The following TNR variants were observed in gnomAD, a reference collection of about 807,000 sequenced individuals.
TNR encodes tenascin-R.
TNR carries 45 observed loss-of-function variants against 150.4 expected under a neutral mutation model. The observed-to-expected ratio is 0.30, with a 90% CI of 0.24 to 0.38. The LOEUF is 0.38. Among genes scored for constraint, TNR ranks in the 10% least tolerant of loss-of-function variants. TNR has a pLI of 1.00. For synonymous variants in TNR, 687 were observed against 678.4 expected (o/e 1.01, Z -0.20); for missense variants, 1,544 against 1,759.1 (o/e 0.88, Z 2.19).
intron 18 of TNR, among the ~76,000 whole-genome samples, chr1:175,339,190 T>C (rs1650394039): frequency 6.6e-6 from 1 of 152,214 alleles, no homozygotes; most frequent in Non-Finnish European, 1.5e-5. Context: ...TTCAGATGGC[T>C]TAAGTGCTGT....
At chr1:175,342,278 G>C (rs1253551317) in intron 18 of TNR, among the ~76,000 whole-genome samples, 1 of 152,186 alleles carries the variant, frequency 6.6e-6, no homozygotes, top group African/African-American at 2.4e-5. Context: ...TGAGAAGTGG[G>C]GGCCCGGGAT....
chr1:175,525,936 G>A (rs1659830316), intron 2 of TNR, among the ~76,000 whole-genome samples: 2 of 151,986 alleles, frequency 1.3e-5, no homozygotes, highest in Non-Finnish European at 2.9e-5. Flanking sequence ...ATAGCAAGCA[G>A]ATAACTCGGT....
intron 1 of TNR, among the ~76,000 whole-genome samples, chr1:175,587,167 T>G (rs1662607611): frequency 6.6e-6 from 1 of 152,226 alleles, no homozygotes; most frequent in Non-Finnish European, 1.5e-5. Context: ...CATGTCCCAG[T>G]GCAGCTTGGC....
chr1:175,418,748 A>G (rs969249476), intron 2 of TNR, among the ~76,000 whole-genome samples: 1 of 151,502 alleles, frequency 6.6e-6, no homozygotes, highest in East Asian at 1.9e-4. Flanking sequence ...CAGTTGAAGC[A>G]GAGTAGAGAA....
At position 175,341,793 on chromosome 1, in the gene TNR, C is replaced by T. The variant is rs149808738; in HGVS notation, c.3383-4114G>A. ...TCTGTAAGCGCAGAACACAGTGTTG[C>T]GCCATAGAAGTGCAGGCGGCCACCT... On this transcript the variant is annotated intron_variant, in intron 18 of 22. Coordinates refer to ENST00000367674, the MANE Select transcript of TNR (RefSeq NM_003285.3). 8.0e-3 allele frequency among the ~76,000 whole-genome samples: 1,218 copies of T among 152,354 alleles called. 6 individuals are homozygous for T. The highest frequency in any genetic ancestry group is 0.013 in the Non-Finnish European group (895 of 68,034).
intron 1 of TNR, among the ~76,000 whole-genome samples, chr1:175,604,868 A>G (rs1385954748): frequency 6.6e-6 from 1 of 152,166 alleles, no homozygotes; most frequent in African/African-American, 2.4e-5. Flanking sequence ...TCATACCTGT[A>G]AGTGCCTAGG....
rs184685913 is a variant in TNR at position 175,338,748 on chromosome 1, C to G, written c.3383-1069G>C. ...CCCGCTGGTGGGTCAGAGTAAGTGA[C>G]AGCACCTACCCAAGGATGGCAACAT... On this transcript the variant is annotated intron_variant, in intron 18 of 22. Transcript: ENST00000367674. Among the ~76,000 whole-genome samples, 10 of 152,280 alleles carry G rather than the reference C, an allele frequency of 6.6e-5. No homozygotes were observed. The East Asian group carries it at 1.7e-3, about 26-fold the overall frequency.
chr1:175,421,262 A>G (rs1036062733), intron 2 of TNR, among the ~76,000 whole-genome samples: 3 of 152,206 alleles, frequency 2.0e-5, no homozygotes, highest in Non-Finnish European at 2.9e-5. Context: ...ACCAGGCCCC[A>G]TGAGGCTCTC....
chr1:175,484,845 C>T (rs1308891981), intron 2 of TNR, among the ~76,000 whole-genome samples: 1 of 152,168 alleles, frequency 6.6e-6, no homozygotes, highest in African/African-American at 2.4e-5. Flanking sequence ...CTGAGAATAA[C>T]CTGTCCTTCG....
chr1:175,710,070 C>T (rs564758329), intron 1 of TNR, among the ~76,000 whole-genome samples: 10 of 152,022 alleles, frequency 6.6e-5, no homozygotes, highest in African/African-American at 2.2e-4. Context: ...TTGCATTATT[C>T]GAGGGTCACT....
At chr1:175,460,302 AG>A (rs1656757437) in intron 2 of TNR, among the ~76,000 whole-genome samples, 1 of 152,136 alleles carries the variant, frequency 6.6e-6, no homozygotes, top group South Asian at 2.1e-4. Flanking sequence ...ACCTTCTGCT[AG>A]CTTCTTTAAC....
chr1:175,442,695 G>A (rs1302783610), intron 2 of TNR, among the ~76,000 whole-genome samples: 2 of 151,742 alleles, frequency 1.3e-5, no homozygotes, highest in African/African-American at 4.9e-5. Context: ...AAGCATTAAA[G>A]TATAATAAAT....
At chr1:175,482,579 A>G (rs1354365764) in intron 2 of TNR, among the ~76,000 whole-genome samples, 1 of 152,214 alleles carries the variant, frequency 6.6e-6, no homozygotes, top group Non-Finnish European at 1.5e-5. Flanking sequence ...AAGAACAGTA[A>G]CATTCTGTAT....
At chr1:175,654,393 G>T (rs187833597) in intron 1 of TNR, among the ~76,000 whole-genome samples, 164 of 152,318 alleles carry the variant, frequency 1.1e-3, no homozygotes, top group African/African-American at 3.6e-3. Flanking sequence ...GAAAGAAGGG[G>T]ATTTTGTGGT....
intron 1 of TNR, among the ~76,000 whole-genome samples, chr1:175,593,040 G>A (rs962200963): frequency 2.6e-5 from 4 of 152,108 alleles, no homozygotes; most frequent in African/African-American, 9.7e-5. Context: ...TTTATCCATT[G>A]CATCTCTGAC....
At chr1:175,508,309 T>G (rs1659036990) in intron 2 of TNR, among the ~76,000 whole-genome samples, 1 of 152,184 alleles carries the variant, frequency 6.6e-6, no homozygotes, top group African/African-American at 2.4e-5. Flanking sequence ...TGTGTATCTT[T>G]AAGTGGGAAG....
intron 1 of TNR, among the ~76,000 whole-genome samples, chr1:175,713,324 C>T (rs1372586145): frequency 2.0e-5 from 3 of 152,200 alleles, no homozygotes; most frequent in Admixed American, 6.5e-5. Context: ...CTACTTAATA[C>T]CATAAACAAC....
intron 2 of TNR, among the ~76,000 whole-genome samples, chr1:175,437,538 T>C (rs1347767648): frequency 6.6e-6 from 1 of 152,010 alleles, no homozygotes; most frequent in Non-Finnish European, 1.5e-5. Context: ...AGAGCAGAAC[T>C]GAAGGAAACA....
chr1:175,365,273 C>A lies in TNR; in HGVS notation c.2324G>T (p.Arg775Leu), dbSNP rs141636585. ...ESTVDAFTGFRPISHLHFSHV... is the reference protein window; with the variant it reads ...ESTVDAFTGFLPISHLHFSHV... ...AGAAAAGTGCAGATGAGAGATGGGA[C>A]GGAAGCCTGCAAAGCAAAGGAGATG... The change falls in exon 12 of 23, where the codon CGT becomes CTT. Residue 775 changes from arginine (R) to leucine (L), a missense_variant. By Grantham distance (102) the Arg-to-Leu change is moderately radical. Around this residue, in one of 2 missense-constraint regions of TNR, gnomAD observed 1,254 missense variants for 1,329.4 expected, o/e 0.94. Coordinates refer to ENST00000367674, the MANE Select transcript of TNR (RefSeq NM_003285.3). The A allele has an allele frequency of 2.5e-6, 4 of 1,602,002 alleles. No homozygotes were observed. The Admixed American group carries it at 5.0e-5, about 20-fold the overall frequency.
Sources: allele counts gnomAD v4.1 joint callset (sites outside exome capture counted in the v4.1 genomes callset), GRCh38; gene constraint gnomAD v4.1.1; regional missense constraint gnomAD v4.1.1; transcripts MANE v1.5; gene names NCBI Gene and HGNC (gene_info 2026-07-23, HGNC 2026-07-21).